Variants in UBR4 observed in about 807,000 individuals in gnomAD.
UBR4 encodes the protein ubiquitin protein ligase E3 component n-recognin 4.
UBR4 carries 124 observed loss-of-function variants against 575.6 expected under a neutral mutation model. The observed-to-expected ratio is 0.22, with a 90% CI of 0.19 to 0.25. The LOEUF (loss-of-function observed/expected upper bound fraction) is 0.25. Among genes scored for constraint, UBR4 ranks in the 10% least tolerant of loss-of-function variants. The pLI is 1.00. For missense variants in UBR4, 4,818 were observed against 6,478.8 expected (o/e 0.74, Z 8.80); for synonymous variants, 2,455 against 2,473.7 (o/e 0.99, Z 0.22).
At chr1:19,189,441 C>G (rs773262614) in intron 11 of UBR4, among the ~76,000 whole-genome samples, 6 of 152,292 alleles carry the variant, frequency 3.9e-5, no homozygotes, top group Non-Finnish European at 7.4e-5. Context: ...GGGAATTAGG[C>G]AACTACGGTA....
At chr1:19,209,961 G>T in intron 1 of UBR4, 112 bp downstream of exon 1, 1 of 1,340,470 alleles carries the variant, frequency 7.5e-7, no homozygotes, top group South Asian at 1.8e-5. Flanking sequence ...CCGTGGCTGT[G>T]GCGGGGATCC....
intron 7 of UBR4, 35 bp from the exon 8 acceptor site, chr1:19,197,300 G>C (rs1430540171): frequency 1.9e-6 from 3 of 1,613,276 alleles, no homozygotes; most frequent in Non-Finnish European, 2.5e-6. Context: ...GTGTCTCTTA[G>C]AATCATTCAC....
Position 19,164,410 on chromosome 1 carries a change from G to A in UBR4, c.4543C>T (p.Leu1515=), listed in dbSNP as rs1377369718. ...QVGEGVCAVL[L]GTLTPMATEM... ...GTTGCCATGGGAGTCAGGGTGCCCA[G>A]AAGAACAGCACACACACCTTCCCCA... is the stretch of plus-strand genomic sequence containing the variant. Residue 1515 remains leucine, a synonymous_variant, in exon 33 of 106, where the codon CTG becomes TTG. Transcript: ENST00000375254. The A allele has an allele frequency of 1.2e-6, 2 of 1,614,014 alleles. No homozygotes were observed. The highest frequency in any genetic ancestry group is 2.2e-5 in the East Asian group (1 of 44,872).
At chr1:19,134,550 G>C (rs973748024) in intron 60 of UBR4, among the ~76,000 whole-genome samples, 4 of 152,208 alleles carry the variant, frequency 2.6e-5, no homozygotes, top group Admixed American at 2.0e-4. Flanking sequence ...AGAACTCAGA[G>C]ACAAAGTTTA....
At position 19,121,487 on chromosome 1, in the gene UBR4, A is replaced by T. The variant is rs2081172609; in HGVS notation, c.9896-53T>A. ...CTCTGAGACGACCTCAACCAGACTC[A>T]GGAGAACCAAAACAACGTCTCCCTA... On this transcript the variant is annotated intron_variant, in intron 67 of 105. Transcript: ENST00000375254. 1.9e-6 allele frequency: 3 copies of T among 1,566,958 alleles called. No individual in the cohort carries two copies. The East Asian group carries it at 6.8e-5, about 35-fold the overall frequency.
chr1:19,190,459 G>A (rs1176624341), intron 11 of UBR4, among the ~76,000 whole-genome samples: 1 of 151,684 alleles, frequency 6.6e-6, no homozygotes, highest in African/African-American at 2.4e-5. Flanking sequence ...TGCAGTCCAG[G>A]CTGTGACCTC....
At chr1:19,085,537 G>C (rs890386253) in intron 101 of UBR4, among the ~76,000 whole-genome samples, 1 of 152,152 alleles carries the variant, frequency 6.6e-6, no homozygotes, top group Non-Finnish European at 1.5e-5. Flanking sequence ...CAAAAGAATA[G>C]AGGTTAAGCA....
chr1:19,087,758 C>T (rs2077158810), intron 99 of UBR4, 58 bp downstream of exon 99: 2 of 1,436,100 alleles, frequency 1.4e-6, no homozygotes, highest in Non-Finnish European at 1.9e-6. Flanking sequence ...GGGGATGCTA[C>T]CTAGAACAAG....
At chr1:19,123,670 G>A (rs967354230) in intron 65 of UBR4, among the ~76,000 whole-genome samples, 1 of 152,052 alleles carries the variant, frequency 6.6e-6, no homozygotes, top group Non-Finnish European at 1.5e-5. Flanking sequence ...CCCACCCAAA[G>A]GGAAACTATC....
chr1:19,183,706 A>C (rs1221239227), intron 17 of UBR4, 105 bp downstream of exon 17: 14 of 1,193,424 alleles, frequency 1.2e-5, no homozygotes, highest in African/African-American at 4.5e-5. Flanking sequence ...TGGGTAACAG[A>C]GCAAGACTCC....
intron 77 of UBR4, 134 bp downstream of exon 77, chr1:19,113,565 G>T: frequency 1.4e-6 from 2 of 1,383,254 alleles, no homozygotes; most frequent in Non-Finnish European, 2.0e-6. Context: ...CCATCTGCCT[G>T]CCTTTTCAGC....
chr1:19,195,318 A>C (rs1251735446), intron 8 of UBR4, among the ~76,000 whole-genome samples: 1 of 149,662 alleles, frequency 6.7e-6, no homozygotes, highest in African/African-American at 2.5e-5. Flanking sequence ...TCAAAAAATT[A>C]AAAATAAATT....
chr1:19,172,802 A>C (rs1383588071), intron 25 of UBR4, 62 bp downstream of exon 25: 7 of 1,511,652 alleles, frequency 4.6e-6, no homozygotes, highest in Non-Finnish European at 6.4e-6. Context: ...ATTCTGAGTC[A>C]ATGCGGGATC....
chr1:19,109,983 G>A lies in UBR4; in HGVS notation c.12105+113C>T, dbSNP rs1471557731. 10 of 1,505,312 alleles carry A rather than the reference G, an allele frequency of 6.6e-6. No individual in the cohort carries two copies. In the East Asian group the frequency reaches 2.0e-4, roughly 31 times the overall value. 93.2% of individuals were successfully genotyped at this position (1,505,312 alleles called of 1,614,324 possible). On this transcript the variant is annotated intron_variant, in intron 81 of 105. Coordinates refer to ENST00000375254, the MANE Select transcript of UBR4 (RefSeq NM_020765.3). ...CAAAGGCTGCACTGGAGCCTCTCAG[G>A]GGAGGTGGGCTCAAGGCAAAGCGGA...
chr1:19,105,564 C>A (rs924983040), intron 84 of UBR4, among the ~76,000 whole-genome samples, 169 bp downstream of exon 84: 1 of 152,200 alleles, frequency 6.6e-6, no homozygotes, highest in Non-Finnish European at 1.5e-5. Context: ...ACCACAACGA[C>A]CACCACCACT....
chr1:19,174,203 G>A, intron 22 of UBR4, 116 bp downstream of exon 22: 8 of 1,310,982 alleles, frequency 6.1e-6, no homozygotes, highest in Non-Finnish European at 7.2e-6. Flanking sequence ...TCAAGTATCA[G>A]TCAGTTTTGC....
In UBR4 at chr1:19,197,749, G is replaced by T. The variant is rs774506523; in HGVS notation, c.814C>A (p.Arg272=). ...NLPYFLRYIN[R]FQDAVLANSF... The stretch of plus-strand genomic sequence containing the variant: ...TTAGCTAAAACTGCATCTTGGAACC[G>T]ATTGATATAGCGTAGGAAATATGGC... Residue 272 remains arginine, a synonymous_variant, in exon 7 of 106, where the codon CGG becomes AGG. Transcript: ENST00000375254. The T allele has an allele frequency of 5.6e-6, 9 of 1,614,194 alleles. No homozygotes were observed. The East Asian group carries it at 1.8e-4, about 32-fold the overall frequency.
intron 25 of UBR4, among the ~76,000 whole-genome samples, chr1:19,171,398 G>A (rs534680815): frequency 7.9e-5 from 12 of 152,178 alleles, no homozygotes; most frequent in African/African-American, 2.4e-4. Context: ...CTGGCACGTA[G>A]CAGCCATACA....
chr1:19,136,723 T>C (rs1424258294), intron 60 of UBR4, among the ~76,000 whole-genome samples: 4 of 152,186 alleles, frequency 2.6e-5, no homozygotes, highest in Non-Finnish European at 4.4e-5. Flanking sequence ...TTTAAATGTT[T>C]AAAGTAAATT....
Sources: gnomAD v4.1 joint callset for allele counts (sites outside exome capture counted in the v4.1 genomes callset) on GRCh38, gnomAD v4.1.1 for gene constraint, MANE v1.5 for transcripts, NCBI Gene and HGNC (gene_info 2026-07-23, HGNC 2026-07-21) for gene names.